The following ASH1L variants were observed in gnomAD, a reference collection of about 807,000 sequenced individuals.
ASH1L encodes the protein histone-lysine N-methyltransferase ASH1L.
In ASH1L, 23 loss-of-function variants were observed where a neutral mutation model predicts 269.0. The observed-to-expected ratio is 0.09, with a 90% CI of 0.06 to 0.12. The LOEUF (loss-of-function observed/expected upper bound fraction) is 0.12, where lower values mean the gene tolerates loss of function less well. ASH1L is among the 10% of genes least tolerant of loss of function. ASH1L has a pLI of 1.00. For missense variants in ASH1L, 2,912 were observed against 3,567.8 expected (o/e 0.82, Z 4.68); for synonymous variants, 1,187 against 1,253.5 (o/e 0.95, Z 1.12).
chr1:155,419,230 T>C (rs1008921470), intron 5 of ASH1L, among the ~76,000 whole-genome samples: 1 of 151,868 alleles, frequency 6.6e-6, no homozygotes, highest in South Asian at 2.1e-4. Context: ...GCAAGACCCA[T>C]TTCTTAAAAA....
intron 4 of ASH1L, among the ~76,000 whole-genome samples, chr1:155,445,202 T>C (rs972585547): frequency 6.6e-6 from 1 of 152,122 alleles, no homozygotes; most frequent in African/African-American, 2.4e-5. Flanking sequence ...AATTGAAAGT[T>C]AGCGGAGTTT....
intron 24 of ASH1L, chr1:155,342,902 C>T (rs1652933259): frequency 1.3e-5 from 2 of 156,922 alleles, no homozygotes; most frequent in South Asian, 3.9e-4. Flanking sequence ...TATAGTAGAG[C>T]TCTCTGAAGT....
chr1:155,508,901 G>A (rs1667988099), intron 2 of ASH1L, among the ~76,000 whole-genome samples: 2 of 152,094 alleles, frequency 1.3e-5, no homozygotes, highest in African/African-American at 2.4e-5. Flanking sequence ...CATGCGCTAG[G>A]GGCAAAATAG....
chr1:155,350,276 C>T (rs1333977792), intron 17 of ASH1L, among the ~76,000 whole-genome samples: 1 of 152,172 alleles, frequency 6.6e-6, no homozygotes, highest in Non-Finnish European at 1.5e-5. Flanking sequence ...CCTGCCTCGG[C>T]CTCCCAAAGT....
At chr1:155,428,485 A>G (rs896261587) in intron 5 of ASH1L, among the ~76,000 whole-genome samples, 1 of 151,902 alleles carries the variant, frequency 6.6e-6, no homozygotes, top group African/African-American at 2.4e-5. Flanking sequence ...CAGGCCCCCC[A>G]AAATCTGGCC....
rs1170105970 is a variant in ASH1L at position 155,481,680 on chromosome 1, A to G, written c.1190T>C (p.Met397Thr). Reference protein sequence around the residue: ...CAKKIVASSAMGLVNKDIGKK... With the variant: ...CAKKIVASSATGLVNKDIGKK... The stretch of plus-strand genomic sequence containing the variant: ...TCCAATGTCCTTATTAACCAATCCC[A>G]TTGCTGAACTTGCTACAATCTTCTT... Residue 397 changes from methionine (M) to threonine (T), a missense_variant, in exon 3 of 28, where the codon ATG (methionine) becomes ACG (threonine). Around this residue, in one of 13 missense-constraint regions of ASH1L, gnomAD observed 277 missense variants for 367.7 expected, o/e 0.75. Coordinates refer to ENST00000392403, the MANE Select transcript of ASH1L (RefSeq NM_018489.3). The G allele has an allele frequency of 6.2e-7, 1 of 1,614,180 alleles. No homozygotes were observed. Among genetic ancestry groups the G allele is most frequent in the East Asian group, 2.2e-5 (1 of 44,882 alleles).
chr1:155,465,183 T>C (rs1664580699), intron 3 of ASH1L, among the ~76,000 whole-genome samples: 1 of 147,404 alleles, frequency 6.8e-6, no homozygotes, highest in African/African-American at 2.5e-5. Context: ...GGTGGAGGCA[T>C]CCCAAAGAAA....
In ASH1L at chr1:155,410,716, A is replaced by G. The variant is rs115015457; in HGVS notation, c.6008+5028T>C. Among the ~76,000 whole-genome samples the G allele has an allele frequency of 5.8e-3, 883 of 152,064 alleles. 9 individuals carry two copies. The highest frequency in any genetic ancestry group is 0.021 in the African/African-American group (858 of 41,454). On this transcript the variant is annotated intron_variant, in intron 6 of 27. Coordinates refer to ENST00000392403, the MANE Select transcript of ASH1L (RefSeq NM_018489.3). ...ACATTTGTCGAAACCCATAGAATGT[A>G]TATCACCAAGAATGATATACAGGAT...
At chr1:155,505,787 G>A (rs990854267) in intron 2 of ASH1L, among the ~76,000 whole-genome samples, 3 of 151,690 alleles carry the variant, frequency 2.0e-5, no homozygotes, top group Non-Finnish European at 4.4e-5. Context: ...CTTAAAATAG[G>A]GTATAATTTA....
chr1:155,415,839 C>T lies in ASH1L; in HGVS notation c.5913G>A (p.Val1971=). 6.2e-7 allele frequency: 1 copy of T among 1,613,870 alleles called. No individual in the cohort carries two copies. The highest frequency in any genetic ancestry group is 1.7e-5 in the Admixed American group (1 of 59,958). The change falls in exon 6 of 28, where the codon GTG becomes GTA. Residue 1971 remains valine, a synonymous_variant. Coordinates refer to ENST00000392403, the MANE Select transcript of ASH1L (RefSeq NM_018489.3). ...TCTTTTCCCTTGGGATGAGAGAAAG[C>T]ACAGGCTGCAAGGTACTTTCAGGTT... ...PSEPESTLQP[V]LSLIPREKKP... is the part of the protein sequence containing the mutation.
chr1:155,471,423 G>A (rs1396215691), intron 3 of ASH1L, among the ~76,000 whole-genome samples: 2 of 152,212 alleles, frequency 1.3e-5, no homozygotes, highest in African/African-American at 2.4e-5. Context: ...TCAAGGGAGT[G>A]GAGAACTGAA....
At position 155,438,376 on chromosome 1, in the gene ASH1L, T is replaced by C. The variant is rs1662265331; in HGVS notation, c.5779A>G (p.Lys1927Glu). 1 of 1,596,950 alleles carries C rather than the reference T, an allele frequency of 6.3e-7. No individual in the cohort carries two copies. The highest frequency in any genetic ancestry group is 1.8e-5 in the Admixed American group (1 of 55,186). Reference sequence around the variant, plus strand: ...TCCTCTGGTAATGGCTTCTGCTTTTTTCTGGTCTGTTCTTCCAATAGCCAA... The same window carrying C: ...TCCTCTGGTAATGGCTTCTGCTTTTCTCTGGTCTGTTCTTCCAATAGCCAA... ...KGWLLEEQTR[K>E]KQKPLPEEEE... Residue 1927 changes from lysine (K) to glutamate (E), a missense_variant, in exon 5 of 28, where the codon AAA becomes GAA. Physicochemically the swap from Lys to Glu is moderately conservative, Grantham distance 56. Coordinates refer to ENST00000392403, the MANE Select transcript of ASH1L (RefSeq NM_018489.3).
chr1:155,509,619 G>A (rs764441148), intron 2 of ASH1L, among the ~76,000 whole-genome samples: 2 of 151,932 alleles, frequency 1.3e-5, no homozygotes, highest in Non-Finnish European at 2.9e-5. Flanking sequence ...ACCAACGTGA[G>A]GAAAGCCTGT....
chr1:155,342,891 A>C (rs1652931944), intron 24 of ASH1L: 1 of 155,936 alleles, frequency 6.4e-6, no homozygotes, highest in South Asian at 1.9e-4. Flanking sequence ...AAAGGAAAAA[A>C]TATAGTAGAG....
chr1:155,474,767 A>C (rs1024602603), intron 3 of ASH1L, among the ~76,000 whole-genome samples: 2 of 152,126 alleles, frequency 1.3e-5, no homozygotes, highest in African/African-American at 4.8e-5. Context: ...TCTCTCTCTT[A>C]GTGCATGTTA....
Position 155,481,591 on chromosome 1 carries a change from C to T in ASH1L, c.1279G>A (p.Glu427Lys), listed in dbSNP as rs146518998. 6.1e-4 allele frequency: 979 copies of T among 1,614,126 alleles called. 2 individuals are homozygous for T. The highest frequency in any genetic ancestry group is 7.2e-4 in the Non-Finnish European group (853 of 1,180,006). Residue 427 changes from glutamate (E) to lysine (K), a missense_variant, in exon 3 of 28, where the codon GAA (glutamate) becomes AAA (lysine). Transcript: ENST00000392403. ...ISKDAINLKA[E>K]ALLPTQEPLK... Reference sequence around the variant, plus strand: ...GGTTCCTGAGTGGGGAGCAGTGCTTCGGCTTTAAGGTTTATGGCATCTTTA... The same window carrying T: ...GGTTCCTGAGTGGGGAGCAGTGCTTTGGCTTTAAGGTTTATGGCATCTTTA...
chr1:155,415,906 A>T lies in ASH1L; in HGVS notation c.5846T>A (p.Val1949Asp). ...ENNKSFNEAP[V>D]EIPSPSETPA... is the part of the protein sequence containing the mutation. The stretch of plus-strand genomic sequence containing the variant: ...GGTTTCAGAAGGACTGGGAATCTCA[A>T]CTGGTGCTTCATTAAAGCTAGAAAG... The change falls in exon 6 of 28, where the codon GTT (valine) becomes GAT (aspartate). Residue 1949 changes from valine (V) to aspartate (D), a missense_variant. Physicochemically the swap from Val to Asp is radical, Grantham distance 152. Transcript: ENST00000392403. 3 of 1,572,770 alleles carry T rather than the reference A, an allele frequency of 1.9e-6. No homozygotes were observed. The highest frequency in any genetic ancestry group is 2.6e-6 in the Non-Finnish European group (3 of 1,162,346).
chr1:155,398,698 T>C (rs1336456520), intron 6 of ASH1L, among the ~76,000 whole-genome samples: 3 of 152,062 alleles, frequency 2.0e-5, no homozygotes, highest in South Asian at 2.1e-4. Context: ...CACTAGGTGA[T>C]AGGAATTTTT....
chr1:155,449,463 G>C (rs951090749), intron 4 of ASH1L, among the ~76,000 whole-genome samples: 1 of 151,888 alleles, frequency 6.6e-6, no homozygotes, highest in Non-Finnish European at 1.5e-5. Flanking sequence ...ACCCAGAATA[G>C]GATGGTATCT....
Sources: allele counts gnomAD v4.1 joint callset (sites outside exome capture counted in the v4.1 genomes callset), GRCh38; gene constraint gnomAD v4.1.1; regional missense constraint gnomAD v4.1.1; transcripts MANE v1.5; gene names NCBI Gene and HGNC (gene_info 2026-07-23, HGNC 2026-07-21).